The following MSRB1 variants were observed in gnomAD, a reference collection of about 807,000 sequenced individuals.
MSRB1 encodes methionine sulfoxide reductase B1.
Under a neutral mutation model 15.2 loss-of-function variants are expected in MSRB1, and 13 were observed. The observed-to-expected ratio is 0.86, with a 90% CI of 0.56 to 1.36. The LOEUF (loss-of-function observed/expected upper bound fraction) is 1.36, where lower values mean the gene tolerates loss of function less well. Ranked by LOEUF, MSRB1 falls within the 40% of genes most tolerant of loss-of-function variation. The probability of loss-of-function intolerance (pLI) is 0.00; values close to 1 mark genes in which losing one functional copy is unlikely to be tolerated. For missense variants in MSRB1, 174 were observed against 155.9 expected (o/e 1.12, Z -0.62); for synonymous variants, 68 against 64.5 (o/e 1.05, Z -0.26).
At position 1,938,919 on chromosome 16, in the gene MSRB1, C is replaced by A; in HGVS notation, c.*193G>T. On this transcript the variant is annotated 3_prime_UTR_variant, in exon 4 of 4. Coordinates refer to ENST00000361871, the MANE Select transcript of MSRB1 (RefSeq NM_016332.4). ...GGCCTGTCCCAGCAGAAGGCATGAA[C>A]CATCAGCAAATGAGTCTCTTTTCCA... 1 of 766,668 alleles carries A rather than the reference C, an allele frequency of 1.3e-6. No individual in the cohort carries two copies. Among genetic ancestry groups the A allele is most frequent in the Non-Finnish European group, 2.2e-6 (1 of 463,656 alleles). 47.5% of individuals were successfully genotyped at this position (766,668 alleles called of 1,614,324 possible).
At chr16:1,941,006 G>GAC (rs1567306502) in intron 2 of MSRB1, 114 bp from the exon 3 acceptor site, 2 of 1,562,098 alleles carry the variant, frequency 1.3e-6, no homozygotes. Context: ...TTCCCAAGCT[G>GAC]ACCGCCGACA....
intron 1 of MSRB1, among the ~76,000 whole-genome samples, chr16:1,942,321 C>A (rs1407483982): frequency 1.3e-5 from 2 of 152,236 alleles, no homozygotes; most frequent in Non-Finnish European, 2.9e-5. Flanking sequence ...ACAGGGGTGC[C>A]ACCCAGCAGA....
chr16:1,939,210 C>A, intron 3 of MSRB1, 67 bp from the exon 4 acceptor site: 1 of 1,537,108 alleles, frequency 6.5e-7, no homozygotes, highest in South Asian at 1.2e-5. Flanking sequence ...GAAAGCCGGG[C>A]GCGGGGGCGG....
At chr16:1,942,752 C>T (rs561699607) in intron 1 of MSRB1, among the ~76,000 whole-genome samples, 1 of 152,360 alleles carries the variant, frequency 6.6e-6, no homozygotes, top group African/African-American at 2.4e-5. Flanking sequence ...GACCCTAACC[C>T]GAATTCCCCC....
chr16:1,939,917 C>T (rs552866765), intron 3 of MSRB1, among the ~76,000 whole-genome samples: 2 of 150,096 alleles, frequency 1.3e-5, no homozygotes, highest in South Asian at 2.1e-4. Context: ...TTGGCCATTG[C>T]ACTCCAGCCT....
rs114297845 is a variant in MSRB1 at position 1,938,510 on chromosome 16, T to G, written c.*602A>C. On this transcript the variant is annotated 3_prime_UTR_variant, in exon 4 of 4. Coordinates refer to ENST00000361871, the MANE Select transcript of MSRB1 (RefSeq NM_016332.4). Reference sequence around the variant, plus strand: ...ACAGATTGTGAAACAGGGTTTAGGTTTCTCCCCTCGTGGACGAGAGGCCAA... The same window carrying G: ...ACAGATTGTGAAACAGGGTTTAGGTGTCTCCCCTCGTGGACGAGAGGCCAA... 4,077 of 156,960 alleles carry G rather than the reference T, an allele frequency of 0.026. 196 individuals carry two copies. The highest frequency in any genetic ancestry group is 0.093 in the African/African-American group (3,868 of 41,574). 9.7% of individuals were successfully genotyped at this position (156,960 alleles called of 1,614,324 possible).
intron 1 of MSRB1, among the ~76,000 whole-genome samples, chr16:1,942,765 C>T (rs963254143): frequency 3.9e-5 from 6 of 152,220 alleles, no homozygotes; most frequent in Non-Finnish European, 5.9e-5. Flanking sequence ...ATTCCCCCAG[C>T]GCCATCACTT....
chr16:1,943,063 C>T (rs1047039697), intron 1 of MSRB1, 39 bp downstream of exon 1: 5 of 1,548,764 alleles, frequency 3.2e-6, no homozygotes, highest in Non-Finnish European at 3.5e-6. Flanking sequence ...GCGCGCCCCC[C>T]GCCGCGCTGC....
At chr16:1,942,787 G>C (rs757934988) in intron 1 of MSRB1, among the ~76,000 whole-genome samples, 12 of 152,196 alleles carry the variant, frequency 7.9e-5, no homozygotes, top group Non-Finnish European at 1.3e-4. Flanking sequence ...GGAGTGTAGG[G>C]GGTAGGGAAG....
At chr16:1,940,461 G>T (rs935641715) in intron 3 of MSRB1, among the ~76,000 whole-genome samples, 15 of 152,188 alleles carry the variant, frequency 9.9e-5, no homozygotes, top group African/African-American at 3.6e-4. Flanking sequence ...ACAGACTGGG[G>T]CCTCAGGCTC....
chr16:1,939,286 C>A, intron 3 of MSRB1, 143 bp from the exon 4 acceptor site: 1 of 927,582 alleles, frequency 1.1e-6, no homozygotes, highest in South Asian at 1.7e-5. Context: ...CCGTTCCCTG[C>A]GCTTTCACAC....
In MSRB1 at chr16:1,940,901, A is replaced by T; in HGVS notation, c.205-9T>A. The T allele has an allele frequency of 6.2e-7, 1 of 1,614,098 alleles. No individual in the cohort carries two copies. Among genetic ancestry groups the T allele is most frequent in the Non-Finnish European group, 8.5e-7 (1 of 1,180,016 alleles). On this transcript the variant is annotated splice_polypyrimidine_tract_variant and intron_variant, in intron 2 of 3. Coordinates refer to ENST00000361871, the MANE Select transcript of MSRB1 (RefSeq NM_016332.4). ...CACTTGCCACAGGACACCTGGAAAG[A>T]TCACAAGGCAGCTGGGTGAGCTTCT...
chr16:1,939,177 G>A (rs2083059086), intron 3 of MSRB1, 34 bp from the exon 4 acceptor site: 1 of 1,588,710 alleles, frequency 6.3e-7, no homozygotes, highest in Non-Finnish European at 8.5e-7. Context: ...AAAGTATGCG[G>A]GGACAGAAAG....
chr16:1,939,086 G>C lies in MSRB1; in HGVS notation c.*26C>G, dbSNP rs139752142. The C allele has an allele frequency of 6.2e-7, 1 of 1,612,776 alleles. No individual in the cohort carries two copies. Among genetic ancestry groups the C allele is most frequent in the South Asian group, 1.1e-5 (1 of 90,992 alleles). ...AACGTGTGGCCTCAGTGTGGTGGCC[G>C]TCTGGGGTGGGTGTGGGCTGCCCGC... On this transcript the variant is annotated 3_prime_UTR_variant, in exon 4 of 4. Coordinates refer to ENST00000361871, the MANE Select transcript of MSRB1 (RefSeq NM_016332.4).
intron 1 of MSRB1, among the ~76,000 whole-genome samples, chr16:1,942,527 GT>G (rs1261203562): frequency 1.3e-5 from 2 of 152,258 alleles, no homozygotes; most frequent in Non-Finnish European, 2.9e-5. Flanking sequence ...GGCACTCCTG[GT>G]TCCCCAATTT....
Position 1,938,778 on chromosome 16 carries a change from A to G in MSRB1, c.*334T>C, listed in dbSNP as rs1292193031. ...GGAGAGTCCAGAGACAGGGCCAGGA[A>G]AAGAAGGTGAGGGTGTAACGTCATT... On this transcript the variant is annotated 3_prime_UTR_variant, in exon 4 of 4. Coordinates refer to ENST00000361871, the MANE Select transcript of MSRB1 (RefSeq NM_016332.4). 1 of 390,462 alleles carries G rather than the reference A, an allele frequency of 2.6e-6. No homozygotes were observed. Among genetic ancestry groups the G allele is most frequent in the Non-Finnish European group, 4.7e-6 (1 of 214,876 alleles). 24.2% of individuals were successfully genotyped at this position (390,462 alleles called of 1,614,324 possible). A position where few individuals can be genotyped will look rare whatever the true frequency, so the allele number is the denominator to read the frequency against.
intron 1 of MSRB1, 100 bp from the exon 2 acceptor site, chr16:1,941,505 G>C (rs2083077242): frequency 6.9e-7 from 1 of 1,451,996 alleles, no homozygotes; most frequent in South Asian, 1.4e-5. Context: ...CGCTGCCCCC[G>C]TTCCGAGGGT....
chr16:1,943,055 G>C (rs949571277), intron 1 of MSRB1, 47 bp downstream of exon 1: 2 of 1,546,692 alleles, frequency 1.3e-6, no homozygotes, highest in African/African-American at 2.7e-5. Flanking sequence ...CCGCTAATGC[G>C]CGCCCCCCGC....
chr16:1,940,859 G>A lies in MSRB1; in HGVS notation c.238C>T (p.His80Tyr), dbSNP rs971069567. 6.2e-7 allele frequency: 1 copy of A among 1,614,144 alleles called. No homozygotes were observed. The highest frequency in any genetic ancestry group is 1.1e-5 in the South Asian group (1 of 91,092). ...SCGKCGNGLG[H>Y]EFLNDGPKPG... ...TTGGGGCCGTCGTTCAGGAACTCGTGGCCCAACCCATTGCCACACTTGCCA... is the reference window on the plus strand; with the variant it reads ...TTGGGGCCGTCGTTCAGGAACTCGTAGCCCAACCCATTGCCACACTTGCCA... Residue 80 changes from histidine (H) to tyrosine (Y), a missense_variant, in exon 3 of 4, where the codon CAC becomes TAC. Transcript: ENST00000361871.
Sources: gnomAD v4.1 joint callset for allele counts (sites outside exome capture counted in the v4.1 genomes callset) on GRCh38, gnomAD v4.1.1 for gene constraint, MANE v1.5 for transcripts, NCBI Gene and HGNC (gene_info 2026-07-23, HGNC 2026-07-21) for gene names.